PRKAR2B: variants seen among roughly 807,000 people sequenced by gnomAD.
PRKAR2B encodes the protein protein kinase cAMP-dependent type II regulatory subunit beta, also known as cAMP-dependent protein kinase type II-beta regulatory subunit.
Under a neutral mutation model 49.9 loss-of-function variants are expected in PRKAR2B, and 14 were observed. The ratio of observed to expected loss-of-function variants is 0.28; its 90% confidence interval spans 0.19 to 0.44. The LOEUF (loss-of-function observed/expected upper bound fraction) is 0.44, where lower values mean the gene tolerates loss of function less well. Ranked by LOEUF, PRKAR2B falls within the 20% of genes least tolerant of loss-of-function variation. The pLI is 1.00. For synonymous variants in PRKAR2B, 196 were observed against 197.7 expected, an observed-to-expected ratio of 0.99 and a Z score of 0.07; for missense variants, 393 against 537.9, an observed-to-expected ratio of 0.73 and a Z score of 2.67.
intron 1 of PRKAR2B, among the ~76,000 whole-genome samples, chr7:107,049,557 A>G (rs879757261): frequency 1.2e-4 from 18 of 152,202 alleles, no homozygotes; most frequent in Admixed American, 9.8e-4. Context: ...AACATCCTTA[A>G]GGTCAAGCAA....
At chr7:107,084,324 G>A (rs993353616) in intron 2 of PRKAR2B, among the ~76,000 whole-genome samples, 2 of 151,954 alleles carry the variant, frequency 1.3e-5, no homozygotes, top group Non-Finnish European at 2.9e-5. Flanking sequence ...AATGCTTTTA[G>A]CAGTCAATCT....
intron 2 of PRKAR2B, among the ~76,000 whole-genome samples, chr7:107,072,958 T>A (rs1794310620): frequency 6.6e-6 from 1 of 152,178 alleles, no homozygotes; most frequent in Admixed American, 6.5e-5. Context: ...ATTCATCTGT[T>A]TTTAAATTAA....
At chr7:107,088,422 A>G (rs1352815825) in intron 2 of PRKAR2B, among the ~76,000 whole-genome samples, 1 of 152,146 alleles carries the variant, frequency 6.6e-6, no homozygotes, top group African/African-American at 2.4e-5. Flanking sequence ...AGAGCATTCC[A>G]GGGAAAGGAG....
intron 5 of PRKAR2B, among the ~76,000 whole-genome samples, chr7:107,142,401 GC>G (rs1795804896): frequency 6.6e-6 from 1 of 152,122 alleles, no homozygotes; most frequent in African/African-American, 2.4e-5. Context: ...ATCATTAATA[GC>G]TATCATCACT....
intron 1 of PRKAR2B, among the ~76,000 whole-genome samples, chr7:107,054,020 G>A (rs1409591158): frequency 6.6e-6 from 1 of 152,158 alleles, no homozygotes; most frequent in Non-Finnish European, 1.5e-5. Flanking sequence ...ATGAAAGAAA[G>A]GCAATTCTTT....
chr7:107,143,070 C>T (rs536670102), intron 5 of PRKAR2B, among the ~76,000 whole-genome samples: 12 of 152,202 alleles, frequency 7.9e-5, no homozygotes, highest in Non-Finnish European at 1.2e-4. Context: ...GCCTAGCCTG[C>T]GGTATTTTAA....
chr7:107,064,007 T>C (rs1226121763), intron 1 of PRKAR2B, among the ~76,000 whole-genome samples: 1 of 152,120 alleles, frequency 6.6e-6, no homozygotes, highest in African/African-American at 2.4e-5. Context: ...AAGCAGAAAG[T>C]GAATTTATAT....
chr7:107,157,052 A>G lies in PRKAR2B; in HGVS notation c.984+3A>G. ...TGAAAATTACTATGAAAAGAAAGGT[A>G]AGCATTCTAAGTCCTCAGAACCCAC... On this transcript the variant is annotated splice_donor_region_variant and intron_variant, in intron 9 of 10. Transcript: ENST00000265717. The G allele has an allele frequency of 6.2e-7, 1 of 1,609,788 alleles. No homozygotes were observed. Among genetic ancestry groups the G allele is most frequent in the Non-Finnish European group, 8.5e-7 (1 of 1,176,030 alleles).
chr7:107,147,049 T>A (rs1795906517), intron 6 of PRKAR2B, among the ~76,000 whole-genome samples: 1 of 150,600 alleles, frequency 6.6e-6, no homozygotes, highest in Non-Finnish European at 1.5e-5. Context: ...GCTGTGCTCA[T>A]GTGCCCCACA....
chr7:107,087,848 C>G (rs1037061107), intron 2 of PRKAR2B, among the ~76,000 whole-genome samples: 1 of 152,132 alleles, frequency 6.6e-6, no homozygotes, highest in African/African-American at 2.4e-5. Context: ...TCTCACTCAC[C>G]TAGTACATCT....
chr7:107,100,836 TA>T (rs1274230508), intron 2 of PRKAR2B, among the ~76,000 whole-genome samples: 8 of 152,038 alleles, frequency 5.3e-5, no homozygotes, highest in African/African-American at 1.4e-4. Context: ...TTTTTTTTTT[TA>T]GAATTTCTCT....
chr7:107,054,674 C>T (rs1793875226), intron 1 of PRKAR2B, among the ~76,000 whole-genome samples: 1 of 152,124 alleles, frequency 6.6e-6, no homozygotes, highest in African/African-American at 2.4e-5. Flanking sequence ...CCCTCTCTTT[C>T]TAAGTCTTTC....
chr7:107,131,646 C>A (rs1729485430), intron 4 of PRKAR2B, among the ~76,000 whole-genome samples: 1 of 151,936 alleles, frequency 6.6e-6, no homozygotes, highest in South Asian at 2.1e-4. Context: ...GAGCTCAGAC[C>A]ACCTTGAATG....
intron 4 of PRKAR2B, among the ~76,000 whole-genome samples, chr7:107,132,311 G>A (rs909619233): frequency 3.9e-5 from 6 of 152,192 alleles, no homozygotes; most frequent in African/African-American, 4.8e-5. Context: ...ATTCTTTCTC[G>A]AATGCTATGC....
intron 5 of PRKAR2B, among the ~76,000 whole-genome samples, chr7:107,142,573 A>G (rs796927343): frequency 7.9e-5 from 12 of 152,172 alleles, no homozygotes; most frequent in African/African-American, 2.6e-4. Flanking sequence ...CTAGTCACCC[A>G]TTTGGTAGAT....
chr7:107,128,478 T>G (rs1795540604), intron 4 of PRKAR2B, among the ~76,000 whole-genome samples, 183 bp downstream of exon 4: 1 of 152,102 alleles, frequency 6.6e-6, no homozygotes, highest in Non-Finnish European at 1.5e-5. Context: ...ATATTGAGTT[T>G]GGGGGAATAT....
chr7:107,156,346 G>T (rs751941192), intron 8 of PRKAR2B, among the ~76,000 whole-genome samples: 1 of 152,158 alleles, frequency 6.6e-6, no homozygotes, highest in African/African-American at 2.4e-5. Flanking sequence ...GGTGAGGTGG[G>T]AGAGTCGCCT....
At position 107,098,627 on chromosome 7, in the gene PRKAR2B, GT is replaced by G. The variant is rs369789874; in HGVS notation, c.344-23322del. 3.0e-4 allele frequency among the ~76,000 whole-genome samples: 45 copies of G among 152,220 alleles called. No homozygotes were observed. In the East Asian group the frequency reaches 7.9e-3, roughly 27 times the overall value. On this transcript the variant is annotated intron_variant, in intron 2 of 10. Coordinates refer to ENST00000265717, the MANE Select transcript of PRKAR2B (RefSeq NM_002736.3). ...TAGAATCGTTAGCTTTTCTGCTCTG[GT>G]TTCTCCCCATCTTTGTGGTTTATCT...
rs181333878 is a variant in PRKAR2B, at chr7:107,062,237, A to G, written c.308-8044A>G. Among the ~76,000 whole-genome samples, 17 of 152,334 alleles carry G rather than the reference A, an allele frequency of 1.1e-4. No homozygotes were observed. The East Asian group carries it at 2.9e-3, about 26-fold the overall frequency. On this transcript the variant is annotated intron_variant, in intron 1 of 10. Coordinates refer to ENST00000265717, the MANE Select transcript of PRKAR2B (RefSeq NM_002736.3). ...GTAAACATATGCTTTTATTCAACCAAAGTTATTGTAAACAAAATGAAAAGA... is the reference window on the plus strand; with the variant it reads ...GTAAACATATGCTTTTATTCAACCAGAGTTATTGTAAACAAAATGAAAAGA...
Sources: allele counts gnomAD v4.1 joint callset (sites outside exome capture counted in the v4.1 genomes callset), GRCh38; gene constraint gnomAD v4.1.1; transcripts MANE v1.5; gene names NCBI Gene and HGNC (gene_info 2026-07-23, HGNC 2026-07-21).